The following DAB1 variants were observed in gnomAD, a reference collection of about 807,000 sequenced individuals.
The protein encoded by DAB1 is DAB adaptor protein 1.
DAB1 carries 15 observed loss-of-function variants against 64.6 expected under a neutral mutation model. That is an observed-to-expected ratio of 0.23 (90% CI 0.16 to 0.36). DAB1 has a LOEUF of 0.36. Among genes scored for constraint, DAB1 ranks in the 10% least tolerant of loss-of-function variants. The pLI, the probability that DAB1 is intolerant of heterozygous loss-of-function variation, is 1.00. For missense variants in DAB1, 596 were observed against 706.7 expected, an observed-to-expected ratio of 0.84 and a Z score of 1.78; for synonymous variants, 235 against 251.9, an observed-to-expected ratio of 0.93 and a Z score of 0.64.
intron 3 of DAB1, among the ~76,000 whole-genome samples, chr1:58,393,953 T>A (rs1190977030): frequency 6.6e-6 from 1 of 152,216 alleles, no homozygotes; most frequent in Non-Finnish European, 1.5e-5. Context: ...TATGTAAACG[T>A]ATTTCAAAAC....
At chr1:58,205,346 T>G (rs995091523) in intron 4 of DAB1, among the ~76,000 whole-genome samples, 1 of 152,206 alleles carries the variant, frequency 6.6e-6, no homozygotes, top group Non-Finnish European at 1.5e-5. Flanking sequence ...ACCACCCTCC[T>G]AAGGTCTTTT....
intron 1 of DAB1, among the ~76,000 whole-genome samples, chr1:57,320,180 G>C (rs923187309): frequency 7.9e-5 from 12 of 152,116 alleles, no homozygotes; most frequent in Non-Finnish European, 1.6e-4. Context: ...TATTATGGGG[G>C]GTGCCAGCAA....
At chr1:57,457,742 AGAG>A (rs1216686770) in intron 7 of DAB1, among the ~76,000 whole-genome samples, 1 of 152,144 alleles carries the variant, frequency 6.6e-6, no homozygotes, top group African/African-American at 2.4e-5. Context: ...GAAAACTCCC[AGAG>A]GGAGAAAAAT....
At chr1:57,745,025 TG>T (rs1648198591) in intron 6 of DAB1, among the ~76,000 whole-genome samples, 2 of 152,202 alleles carry the variant, frequency 1.3e-5, no homozygotes, top group African/African-American at 2.4e-5. Flanking sequence ...ATGAATCTCA[TG>T]TCAGAAAATC....
intron 4 of DAB1, among the ~76,000 whole-genome samples, chr1:58,242,468 A>G (rs1660341972): frequency 6.6e-6 from 1 of 152,130 alleles, no homozygotes; most frequent in South Asian, 2.1e-4. Flanking sequence ...ACCAAGGCAG[A>G]GTATATAAAA....
At chr1:57,212,461 G>C (rs749892600) in intron 2 of DAB1, among the ~76,000 whole-genome samples, 1 of 145,382 alleles carries the variant, frequency 6.9e-6, no homozygotes, top group East Asian at 2.0e-4. Flanking sequence ...TCCACCTCCT[G>C]GGTTCATGCC....
At chr1:58,272,669 T>C (rs1340900605) in intron 4 of DAB1, among the ~76,000 whole-genome samples, 1 of 148,170 alleles carries the variant, frequency 6.7e-6, no homozygotes, top group African/African-American at 2.5e-5. Flanking sequence ...TAAGTCTCTT[T>C]GTAGGTCACT....
At chr1:57,109,650 T>C (rs553259430) in intron 4 of DAB1, among the ~76,000 whole-genome samples, 10 of 152,364 alleles carry the variant, frequency 6.6e-5, no homozygotes, top group Admixed American at 1.3e-4. Flanking sequence ...GCAGTTATCA[T>C]GTGCCAGCTC....
chr1:57,026,945 T>C (rs1217487073), intron 9 of DAB1, among the ~76,000 whole-genome samples: 1 of 152,228 alleles, frequency 6.6e-6, no homozygotes, highest in Non-Finnish European at 1.5e-5. Context: ...ACATGCTTTG[T>C]ACAAACCTGT....
intron 5 of DAB1, among the ~76,000 whole-genome samples, chr1:57,972,602 A>G (rs1001430331): frequency 2.0e-5 from 3 of 152,182 alleles, no homozygotes; most frequent in Non-Finnish European, 4.4e-5. Flanking sequence ...CAACTCTGAA[A>G]TACTTTCAAA....
intron 4 of DAB1, among the ~76,000 whole-genome samples, chr1:58,283,023 T>G (rs1254111644): frequency 6.8e-6 from 1 of 148,076 alleles, no homozygotes; most frequent in Middle Eastern, 3.2e-3. Context: ...TGCCTTTCAC[T>G]TCCCCAACCA....
chr1:57,097,705 A>G (rs997486230), intron 4 of DAB1, among the ~76,000 whole-genome samples: 3 of 152,062 alleles, frequency 2.0e-5, no homozygotes, highest in African/African-American at 7.2e-5. Context: ...ATTTTCATTT[A>G]CTTATAAAGG....
intron 3 of DAB1, among the ~76,000 whole-genome samples, chr1:58,387,582 CA>C (rs1644442935): frequency 6.6e-6 from 1 of 152,140 alleles, no homozygotes; most frequent in African/African-American, 2.4e-5. Context: ...GATAATCTTT[CA>C]GAGCTGCACT....
At chr1:57,068,208 T>C (rs1189512944) in intron 8 of DAB1, among the ~76,000 whole-genome samples, 1 of 152,220 alleles carries the variant, frequency 6.6e-6, no homozygotes, top group Non-Finnish European at 1.5e-5. Context: ...TTCCTCCTCA[T>C]ATTCAGATAC....
At chr1:57,986,909 C>A (rs373327998) in intron 5 of DAB1, among the ~76,000 whole-genome samples, 1 of 152,198 alleles carries the variant, frequency 6.6e-6, no homozygotes, top group Non-Finnish European at 1.5e-5. Context: ...CTAAAATCCA[C>A]ATGAGATAGT....
chr1:57,674,030 A>G (rs146421720), intron 6 of DAB1, among the ~76,000 whole-genome samples: 56 of 152,072 alleles, frequency 3.7e-4, no homozygotes, highest in Middle Eastern at 3.4e-3. Context: ...AACTGGAACC[A>G]CCCTAGAGGG....
intron 1 of DAB1, among the ~76,000 whole-genome samples, chr1:57,413,096 A>G (rs982142430): frequency 6.6e-6 from 1 of 152,206 alleles, no homozygotes; most frequent in African/African-American, 2.4e-5. Flanking sequence ...TACTCTAAAA[A>G]TGGAACAATG....
chr1:57,565,275 A>G (rs1645103990), intron 7 of DAB1, among the ~76,000 whole-genome samples: 1 of 152,214 alleles, frequency 6.6e-6, no homozygotes, highest in African/African-American at 2.4e-5. Flanking sequence ...TGAAGGAAGC[A>G]CTAAACATGG....
chr1:57,533,624 CA>C (rs1570603068), intron 7 of DAB1, among the ~76,000 whole-genome samples: 1 of 147,638 alleles, frequency 6.8e-6, no homozygotes, highest in Non-Finnish European at 1.5e-5. Flanking sequence ...GGTTGAGCTT[CA>C]AAAAAACTAT....
Sources: allele counts gnomAD v4.1 joint callset (sites outside exome capture counted in the v4.1 genomes callset), GRCh38; gene constraint gnomAD v4.1.1; transcripts MANE v1.5; gene names NCBI Gene and HGNC (gene_info 2026-07-23, HGNC 2026-07-21).